NRXN3: variants seen among roughly 807,000 people sequenced by gnomAD.
NRXN3 encodes the protein neurexin 3.
A neutral mutation model predicts 137.6 loss-of-function variants in NRXN3; 32 were observed. The observed-to-expected ratio is 0.23, with a 90% confidence interval of 0.18 to 0.31. NRXN3 has a LOEUF of 0.31. NRXN3 is among the 10% of genes least tolerant of loss of function. NRXN3 has a pLI of 1.00. For missense variants in NRXN3, 1,574 were observed against 2,062.5 expected, an observed-to-expected ratio of 0.76 and a Z score of 4.59; for synonymous variants, 798 against 784.5, an observed-to-expected ratio of 1.02 and a Z score of -0.29.
chr14:78,625,841 C>A (rs1231210659), intron 4 of NRXN3, among the ~76,000 whole-genome samples: 3 of 152,132 alleles, frequency 2.0e-5, no homozygotes, highest in Non-Finnish European at 2.9e-5. Flanking sequence ...CAGTACAGGG[C>A]AGTAGTAAAG....
At chr14:79,043,112 G>A (rs1202265415) in intron 15 of NRXN3, among the ~76,000 whole-genome samples, 1 of 152,058 alleles carries the variant, frequency 6.6e-6, no homozygotes, top group African/African-American at 2.4e-5. Flanking sequence ...AATGAAATAG[G>A]AATTAAAGAA....
At chr14:79,222,822 T>C (rs1459103484) in intron 15 of NRXN3, among the ~76,000 whole-genome samples, 1 of 152,182 alleles carries the variant, frequency 6.6e-6, no homozygotes, top group Non-Finnish European at 1.5e-5. Context: ...TCTGTATTAC[T>C]TTTTGGGTGA....
intron 4 of NRXN3, among the ~76,000 whole-genome samples, chr14:78,426,994 C>A (rs1285402372): frequency 2.6e-5 from 4 of 151,944 alleles, no homozygotes; most frequent in Non-Finnish European, 5.9e-5. Flanking sequence ...TTCCTGATTA[C>A]TTCAAAAGGA....
At chr14:79,677,615 A>G (rs2098647629) in intron 17 of NRXN3, among the ~76,000 whole-genome samples, 1 of 152,172 alleles carries the variant, frequency 6.6e-6, no homozygotes, top group South Asian at 2.1e-4. Context: ...AGTGAAATCT[A>G]ATAGTTTTGC....
At chr14:78,965,359 G>A (rs2099415432) in intron 11 of NRXN3, among the ~76,000 whole-genome samples, 1 of 152,164 alleles carries the variant, frequency 6.6e-6, no homozygotes. Context: ...ACACCCTAAA[G>A]TGTAATGACC....
chr14:78,729,330 G>A (rs536638345), intron 8 of NRXN3, among the ~76,000 whole-genome samples: 1 of 152,294 alleles, frequency 6.6e-6, no homozygotes, highest in Admixed American at 6.5e-5. Flanking sequence ...AGGCCTTAGA[G>A]GTGGGATTAG....
intron 15 of NRXN3, chr14:79,201,563 C>T (rs931994085): frequency 6.6e-6 from 1 of 152,122 alleles, no homozygotes; most frequent in African/African-American, 2.4e-5. Context: ...AATGTTGACT[C>T]TACTTTCTTT....
chr14:79,541,879 C>T (rs1287525457), intron 16 of NRXN3, among the ~76,000 whole-genome samples: 2 of 152,134 alleles, frequency 1.3e-5, no homozygotes, highest in Non-Finnish European at 2.9e-5. Flanking sequence ...AGGAATTTGA[C>T]TTTGGTTGGG....
intron 10 of NRXN3, among the ~76,000 whole-genome samples, chr14:78,915,138 T>G (rs2099251303): frequency 6.6e-6 from 1 of 151,942 alleles, no homozygotes; most frequent in African/African-American, 2.4e-5. Flanking sequence ...CTCAATAAAT[T>G]GCCTTCCATT....
intron 6 of NRXN3, among the ~76,000 whole-genome samples, chr14:78,663,260 CT>C (rs1454129043): frequency 6.6e-6 from 1 of 152,184 alleles, no homozygotes; most frequent in African/African-American, 2.4e-5. Context: ...TTTAAACTTA[CT>C]GTAAGGAATT....
At chr14:78,926,753 A>ATATATAT (rs1555586035) in intron 10 of NRXN3, among the ~76,000 whole-genome samples, 1 of 55,062 alleles carries the variant, frequency 1.8e-5, no homozygotes, top group African/African-American at 1.2e-4. Context: ...ATTATATATT[A>ATATATAT]TATATATATT....
intron 19 of NRXN3, among the ~76,000 whole-genome samples, chr14:79,712,022 C>T (rs934237536): frequency 1.4e-4 from 21 of 152,198 alleles, no homozygotes; most frequent in African/African-American, 4.8e-4. Flanking sequence ...ACTTCCCAAA[C>T]ACGATACCGG....
chr14:79,415,212 T>A (rs1195638853), intron 15 of NRXN3, among the ~76,000 whole-genome samples: 1 of 152,150 alleles, frequency 6.6e-6, no homozygotes, highest in Non-Finnish European at 1.5e-5. Flanking sequence ...AGATATCTAT[T>A]CAAGGTACTG....
At chr14:79,316,188 A>G (rs2088628216) in intron 15 of NRXN3, among the ~76,000 whole-genome samples, 1 of 152,234 alleles carries the variant, frequency 6.6e-6, no homozygotes, top group African/African-American at 2.4e-5. Flanking sequence ...ACATTAATCT[A>G]CATTGTAAGA....
intron 4 of NRXN3, among the ~76,000 whole-genome samples, chr14:78,536,187 G>A (rs1333896986): frequency 6.6e-6 from 1 of 152,138 alleles, no homozygotes; most frequent in Non-Finnish European, 1.5e-5. Context: ...TGTATCCTGT[G>A]CTATAGACCA....
chr14:78,406,743 A>AAACT (rs2092510240), intron 4 of NRXN3, among the ~76,000 whole-genome samples: 1 of 152,284 alleles, frequency 6.6e-6, no homozygotes, highest in African/African-American at 2.4e-5. Context: ...ACTGATCCCA[A>AAACT]AACTACCTTG....
At chr14:78,964,494 A>G (rs1409580478) in intron 11 of NRXN3, among the ~76,000 whole-genome samples, 2 of 152,202 alleles carry the variant, frequency 1.3e-5, no homozygotes, top group Non-Finnish European at 2.9e-5. Flanking sequence ...CTAAGCATAC[A>G]CAGCTTCTCT....
chr14:79,129,352 C>T (rs377406812), intron 15 of NRXN3, among the ~76,000 whole-genome samples: 7,868 of 148,022 alleles, frequency 0.053, 739 homozygotes, highest in African/African-American at 0.19. Context: ...GCTTTGAATG[C>T]GTCCCAGAGA....
At chr14:78,821,163 A>C (rs781315973) in intron 10 of NRXN3, among the ~76,000 whole-genome samples, 4 of 152,186 alleles carry the variant, frequency 2.6e-5, no homozygotes, top group Admixed American at 6.5e-5. Flanking sequence ...AAAGGTAACG[A>C]ATTAGAATAT....
Sources: allele counts gnomAD v4.1 joint callset (sites outside exome capture counted in the v4.1 genomes callset), GRCh38; gene constraint gnomAD v4.1.1; transcripts MANE v1.5; gene names NCBI Gene and HGNC (gene_info 2026-07-23, HGNC 2026-07-21).